LRP1B: variants seen among roughly 807,000 people sequenced by gnomAD.
LRP1B encodes the protein low-density lipoprotein receptor-related protein 1B.
In LRP1B, 217 loss-of-function variants were observed where a neutral mutation model predicts 556.6. The ratio of observed to expected loss-of-function variants is 0.39; its 90% confidence interval spans 0.35 to 0.44. The LOEUF (loss-of-function observed/expected upper bound fraction) is 0.44. LRP1B is among the 20% of genes least tolerant of loss of function. The pLI is 1.00. For synonymous variants in LRP1B, 2,047 were observed against 1,865.8 expected (o/e 1.10, Z -2.50); for missense variants, 5,053 against 5,620.8 (o/e 0.90, Z 3.23).
At chr2:142,061,572 C>T (rs1315130462) in intron 1 of LRP1B, among the ~76,000 whole-genome samples, 1 of 151,926 alleles carries the variant, frequency 6.6e-6, no homozygotes, top group African/African-American at 2.4e-5. Flanking sequence ...AAATATTAAA[C>T]TAATTCATGA....
intron 14 of LRP1B, among the ~76,000 whole-genome samples, chr2:141,007,315 G>T (rs2105376430): frequency 6.6e-6 from 1 of 151,856 alleles, no homozygotes; most frequent in Middle Eastern, 3.4e-3. Flanking sequence ...TTATCATTGA[G>T]TGCCCGTAGA....
chr2:142,012,295 T>C (rs1222894685), intron 1 of LRP1B, among the ~76,000 whole-genome samples: 1 of 152,166 alleles, frequency 6.6e-6, no homozygotes, highest in African/African-American at 2.4e-5. Flanking sequence ...TCCAGATGTC[T>C]GACTCTATTA....
intron 3 of LRP1B, among the ~76,000 whole-genome samples, chr2:141,275,300 T>C (rs1685245008): frequency 6.6e-6 from 1 of 152,206 alleles, no homozygotes; most frequent in Non-Finnish European, 1.5e-5. Flanking sequence ...TACTGTGATA[T>C]AATATTGGAA....
intron 11 of LRP1B, among the ~76,000 whole-genome samples, chr2:141,027,267 C>T (rs1056968055): frequency 1.3e-5 from 2 of 152,036 alleles, no homozygotes; most frequent in Admixed American, 1.3e-4. Flanking sequence ...GGCAAATTGC[C>T]TACCCTTTGA....
chr2:141,031,456 GC>G lies in LRP1B; in HGVS notation c.1790-11355del, dbSNP rs142548264. Among the ~76,000 whole-genome samples, 470 of 151,874 alleles carry G rather than the reference GC, an allele frequency of 3.1e-3. 3 individuals carry two copies. The highest frequency in any genetic ancestry group is 0.011 in the African/African-American group (457 of 41,470). On this transcript the variant is annotated intron_variant, in intron 11 of 90. Coordinates refer to ENST00000389484, the MANE Select transcript of LRP1B (RefSeq NM_018557.3). ...TTTACCTTTAAAATGAAACAAGAAG[GC>G]CAATGATTAGATAAAATTTGATATT...
intron 41 of LRP1B, among the ~76,000 whole-genome samples, chr2:140,640,638 C>T (rs1357507421): frequency 6.6e-6 from 1 of 151,770 alleles, no homozygotes; most frequent in Admixed American, 6.6e-5. Flanking sequence ...CCACCTCGGC[C>T]TCCCAAAGTG....
intron 41 of LRP1B, among the ~76,000 whole-genome samples, chr2:140,614,197 A>C (rs1188741230): frequency 6.6e-6 from 1 of 152,052 alleles, no homozygotes; most frequent in Non-Finnish European, 1.5e-5. Flanking sequence ...ATCAAAGTTG[A>C]CTTTAGTTTA....
intron 35 of LRP1B, among the ~76,000 whole-genome samples, chr2:140,760,080 C>T (rs573114323): frequency 6.6e-6 from 1 of 152,052 alleles, no homozygotes; most frequent in South Asian, 2.1e-4. Context: ...GGAATGGTAG[C>T]CAGAAGCAAA....
At chr2:140,518,017 T>C (rs1689991738) in intron 49 of LRP1B, among the ~76,000 whole-genome samples, 1 of 152,058 alleles carries the variant, frequency 6.6e-6, no homozygotes, top group Non-Finnish European at 1.5e-5. Context: ...CCTAAATTTA[T>C]CTTTTAACTG....
chr2:141,283,016 T>A (rs893440588), intron 3 of LRP1B, among the ~76,000 whole-genome samples: 2 of 152,166 alleles, frequency 1.3e-5, no homozygotes, highest in Admixed American at 6.5e-5. Flanking sequence ...ACAGAGAGTC[T>A]GCCTTTCATC....
At chr2:140,388,243 T>C (rs1683853306) in intron 66 of LRP1B, among the ~76,000 whole-genome samples, 1 of 152,032 alleles carries the variant, frequency 6.6e-6, no homozygotes. Flanking sequence ...GGCCTGCTTG[T>C]ACTATTTTTA....
At chr2:140,420,750 A>G (rs989210062) in intron 66 of LRP1B, among the ~76,000 whole-genome samples, 3 of 152,240 alleles carry the variant, frequency 2.0e-5, no homozygotes, top group African/African-American at 7.2e-5. Flanking sequence ...GCCAGAGAAA[A>G]TGAATACATG....
At chr2:140,387,893 C>T (rs974943494) in intron 66 of LRP1B, among the ~76,000 whole-genome samples, 1 of 150,682 alleles carries the variant, frequency 6.6e-6, no homozygotes, top group Non-Finnish European at 1.5e-5. Flanking sequence ...CATGTGTAAA[C>T]ATTAGTCTTA....
At chr2:140,925,953 T>A (rs1694871984) in intron 20 of LRP1B, among the ~76,000 whole-genome samples, 1 of 152,158 alleles carries the variant, frequency 6.6e-6, no homozygotes, top group Non-Finnish European at 1.5e-5. Flanking sequence ...TATTGTTTAT[T>A]TATTTGTGTT....
intron 89 of LRP1B, among the ~76,000 whole-genome samples, chr2:140,237,299 C>A (rs1269642042): frequency 6.6e-6 from 1 of 150,880 alleles, no homozygotes; most frequent in Non-Finnish European, 1.5e-5. Context: ...TCATATATGA[C>A]AATATCATCC....
chr2:141,042,309 C>T (rs1698725736), intron 11 of LRP1B, among the ~76,000 whole-genome samples: 2 of 152,102 alleles, frequency 1.3e-5, no homozygotes, highest in East Asian at 1.9e-4. Context: ...AAAAAATGGG[C>T]GTTCCCTAAG....
chr2:140,274,288 A>C (rs904208718), intron 85 of LRP1B, 136 bp downstream of exon 85: 3 of 698,690 alleles, frequency 4.3e-6, no homozygotes, highest in Non-Finnish European at 7.2e-6. Flanking sequence ...TTACTCTCTA[A>C]TCATAAAAAC....
chr2:142,078,105 G>A (rs149647440), intron 1 of LRP1B, among the ~76,000 whole-genome samples: 28 of 151,970 alleles, frequency 1.8e-4, no homozygotes, highest in African/African-American at 6.0e-4. Flanking sequence ...GTTCCCTATC[G>A]CTTGCTGTGC....
intron 2 of LRP1B, among the ~76,000 whole-genome samples, chr2:141,692,647 A>T (rs1279469084): frequency 6.6e-6 from 1 of 151,974 alleles, no homozygotes; most frequent in Non-Finnish European, 1.5e-5. Context: ...CAAGAAGGGT[A>T]TATGTTCTGA....
Sources: allele counts gnomAD v4.1 joint callset (sites outside exome capture counted in the v4.1 genomes callset), GRCh38; gene constraint gnomAD v4.1.1; transcripts MANE v1.5; gene names NCBI Gene and HGNC (gene_info 2026-07-23, HGNC 2026-07-21).